USH2A: variants seen among roughly 807,000 people sequenced by gnomAD.
The protein encoded by USH2A is Usher syndrome 2A (autosomal recessive, mild).
A neutral mutation model predicts 538.9 loss-of-function variants in USH2A; 443 were observed. That is an observed-to-expected ratio of 0.82 (90% CI 0.76 to 0.89). The LOEUF is 0.89. Among genes scored for constraint, USH2A ranks in the 40% least tolerant of loss-of-function variants. The pLI is 0.00. For missense variants in USH2A, 6,633 were observed against 6,324.8 expected (o/e 1.05, Z -1.65); for synonymous variants, 2,413 against 2,273.5 (o/e 1.06, Z -1.75).
intron 20 of USH2A, among the ~76,000 whole-genome samples, chr1:216,185,199 A>G (rs1339341199): frequency 6.6e-6 from 1 of 151,930 alleles, no homozygotes; most frequent in Non-Finnish European, 1.5e-5. Context: ...ATGGAGAGAG[A>G]TGCAGCTGCT....
At chr1:216,158,656 C>A (rs1446236878) in intron 21 of USH2A, among the ~76,000 whole-genome samples, 1 of 152,160 alleles carries the variant, frequency 6.6e-6, no homozygotes, top group Non-Finnish European at 1.5e-5. Context: ...ATACATAAGC[C>A]TTCCTACTTT....
chr1:216,306,966 TTTG>T (rs1373373655), intron 9 of USH2A, among the ~76,000 whole-genome samples: 2 of 152,136 alleles, frequency 1.3e-5, no homozygotes, highest in Non-Finnish European at 2.9e-5. Context: ...GTGAGGGTCC[TTTG>T]TTGTATTTTT....
At chr1:216,147,663 C>G (rs1274440547) in intron 21 of USH2A, among the ~76,000 whole-genome samples, 1 of 150,922 alleles carries the variant, frequency 6.6e-6, no homozygotes, top group Non-Finnish European at 1.5e-5. Flanking sequence ...TTTAATTAAC[C>G]TCGCCTTCAA....
chr1:215,650,016 G>T lies in USH2A; in HGVS notation c.14343+576C>A, dbSNP rs907592412. ...TGAGCAATCTCTCCTGTCTCCCAGT[G>T]TGCCTCAAACGTGTTAACGAACAAA... On this transcript the variant is annotated intron_variant, in intron 65 of 71. Coordinates refer to ENST00000307340, the MANE Select transcript of USH2A (RefSeq NM_206933.4). Among the ~76,000 whole-genome samples the T allele has an allele frequency of 1.2e-4, 18 of 152,340 alleles. No individual in the cohort carries two copies. In the South Asian group the frequency reaches 3.7e-3, roughly 32 times the overall value.
chr1:216,114,723 T>G (rs948696463), intron 21 of USH2A, among the ~76,000 whole-genome samples: 1 of 152,106 alleles, frequency 6.6e-6, no homozygotes, highest in Non-Finnish European at 1.5e-5. Flanking sequence ...AAATTTCCAG[T>G]GGAAGGATTC....
At chr1:216,301,783 G>A (rs1354107328) in intron 9 of USH2A, among the ~76,000 whole-genome samples, 1 of 152,166 alleles carries the variant, frequency 6.6e-6, no homozygotes, top group East Asian at 1.9e-4. Flanking sequence ...ACTATTCCCA[G>A]ATGGCCTGAA....
intron 20 of USH2A, among the ~76,000 whole-genome samples, chr1:216,182,142 G>A (rs2034506733): frequency 6.6e-6 from 1 of 152,074 alleles, no homozygotes; most frequent in Admixed American, 6.6e-5. Context: ...TAGTCTAACA[G>A]AGAAGAAAGA....
At chr1:215,929,500 T>A (rs1485787115) in intron 38 of USH2A, among the ~76,000 whole-genome samples, 1 of 152,068 alleles carries the variant, frequency 6.6e-6, no homozygotes, top group South Asian at 2.1e-4. Context: ...GATAGGGATG[T>A]AGCAAGATGA....
chr1:216,366,072 C>A (rs1006083283), intron 3 of USH2A, among the ~76,000 whole-genome samples: 4 of 152,130 alleles, frequency 2.6e-5, no homozygotes, highest in Non-Finnish European at 4.4e-5. Flanking sequence ...ACATCAACTT[C>A]ATCTCTGCAA....
In USH2A at chr1:216,058,803, G is replaced by A. The variant is rs112538711; in HGVS notation, c.6050-10156C>T. ...AAATATTAACATTAGGTTAACTATG[G>A]GGTTAGTAGCAGAAAGCTACATTTG... On this transcript the variant is annotated intron_variant, in intron 30 of 71. Coordinates refer to ENST00000307340, the MANE Select transcript of USH2A (RefSeq NM_206933.4). Among the ~76,000 whole-genome samples, 456 of 152,226 alleles carry A rather than the reference G, an allele frequency of 3.0e-3. 5 individuals are homozygous for A. Among genetic ancestry groups the A allele is most frequent in the African/African-American group, 0.011 (447 of 41,552 alleles).
In USH2A at chr1:216,251,247, A is replaced by T. The variant is rs1019060421; in HGVS notation, c.1972-149T>A. 32 of 753,448 alleles carry T rather than the reference A, an allele frequency of 4.2e-5. No homozygotes were observed. The African/African-American group carries it at 5.2e-4, about 12-fold the overall frequency. The allele number at this position is 753,448 out of a possible 1,614,324, so 46.7% of individuals were successfully genotyped here. ...AAGATATTTTTCCTCTTGACACACA[A>T]CATGGGAGGCTTCAGCAGGGGGAAT... On this transcript the variant is annotated intron_variant, in intron 11 of 71. Coordinates refer to ENST00000307340, the MANE Select transcript of USH2A (RefSeq NM_206933.4).
intron 14 of USH2A, among the ~76,000 whole-genome samples, chr1:216,229,159 G>A (rs774443703): frequency 5.3e-5 from 8 of 151,674 alleles, no homozygotes; most frequent in Non-Finnish European, 8.8e-5. Flanking sequence ...AGGCGACAGA[G>A]TGTGAGACTC....
intron 61 of USH2A, among the ~76,000 whole-genome samples, chr1:215,685,693 A>ATTTAT (rs1658403857): frequency 6.6e-6 from 1 of 150,552 alleles, no homozygotes; most frequent in Admixed American, 6.6e-5. Context: ...TATTATTATT[A>ATTTAT]TTTTTTTACC....
intron 2 of USH2A, 93 bp downstream of exon 2, chr1:216,421,759 C>G: frequency 6.3e-7 from 1 of 1,581,328 alleles, no homozygotes; most frequent in Non-Finnish European, 8.7e-7. Flanking sequence ...TTCTATATAG[C>G]CTTCACTTCC....
intron 4 of USH2A, among the ~76,000 whole-genome samples, chr1:216,335,113 A>C (rs903080000): frequency 9.2e-5 from 14 of 151,744 alleles, no homozygotes; most frequent in Non-Finnish European, 2.1e-4. Flanking sequence ...TTCTTGGATC[A>C]CAATAGAAAA....
intron 10 of USH2A, among the ~76,000 whole-genome samples, chr1:216,290,557 A>C (rs568952352): frequency 2.6e-5 from 4 of 152,176 alleles, no homozygotes; most frequent in African/African-American, 7.2e-5. Context: ...GAGGAATCTG[A>C]ACTAAATAAT....
chr1:215,851,631 T>C (rs950048302), intron 44 of USH2A, among the ~76,000 whole-genome samples: 1 of 152,120 alleles, frequency 6.6e-6, no homozygotes, highest in African/African-American at 2.4e-5. Flanking sequence ...TGGGTACCAA[T>C]CATATTGACA....
chr1:215,901,884 A>G (rs1270373379), intron 38 of USH2A, among the ~76,000 whole-genome samples: 1 of 152,188 alleles, frequency 6.6e-6, no homozygotes, highest in Non-Finnish European at 1.5e-5. Flanking sequence ...TGCCTTTAGG[A>G]AAATGACCTA....
In USH2A at chr1:215,891,198, T is replaced by C. The variant is rs786200928; in HGVS notation, c.7595-2144A>G. ...GCCTTTTCTTAAAGATGATCTCTTA[T>C]CTTGGGAAAGGAGAGGTGTTCAATT... On this transcript the variant is annotated intron_variant, in intron 40 of 71. Transcript: ENST00000307340. 5.9e-5 allele frequency among the ~76,000 whole-genome samples: 9 copies of C among 152,338 alleles called. No homozygotes were observed. Among genetic ancestry groups the C allele is most frequent in the East Asian group, 1.9e-4 (1 of 5,176 alleles).
Sources: gnomAD v4.1 joint callset for allele counts (sites outside exome capture counted in the v4.1 genomes callset) on GRCh38, gnomAD v4.1.1 for gene constraint, MANE v1.5 for transcripts, NCBI Gene and HGNC (gene_info 2026-07-23, HGNC 2026-07-21) for gene names.